AGK: variants seen among roughly 807,000 people sequenced by gnomAD.
AGK encodes acylglycerol kinase, also known as acylglycerol kinase, mitochondrial.
In AGK, 52 loss-of-function variants were observed where a neutral mutation model predicts 66.4. The observed-to-expected ratio is 0.78, with a 90% CI of 0.63 to 0.99. AGK has a LOEUF of 0.99. Among genes scored for constraint, AGK ranks in the 50% least tolerant of loss-of-function variants. The probability of loss-of-function intolerance (pLI) is 0.00; values close to 1 mark genes in which losing one functional copy is unlikely to be tolerated. For missense variants in AGK, 451 were observed against 506.6 expected (o/e 0.89, Z 1.05); for synonymous variants, 182 against 181.1 (o/e 1.00, Z -0.04).
rs1242161124 is a variant in AGK at position 141,601,222 on chromosome 7, T to G, written c.239T>G (p.Phe80Cys). The change falls in exon 5 of 16, where the codon TTT becomes TGT. Residue 80 changes from phenylalanine (F) to cysteine (C), a missense_variant. Phe to Cys is a radical substitution (Grantham distance 205, BLOSUM62 -2). Coordinates refer to ENST00000649286, the MANE Select transcript of AGK (RefSeq NM_018238.4). ...GTTAACAGAAAAGCCAGGACTCTAT[T>G]TGAAAAAAATGCTGCCCCGATTTTA... ...AACKGKARTL[F>C]EKNAAPILHL... is the part of the protein sequence containing the mutation. The G allele has an allele frequency of 6.2e-7, 1 of 1,612,772 alleles. No individual in the cohort carries two copies. Among genetic ancestry groups the G allele is most frequent in the Non-Finnish European group, 8.5e-7 (1 of 1,179,202 alleles).
chr7:141,631,739 T>G (rs1446403454), intron 9 of AGK, among the ~76,000 whole-genome samples: 1 of 152,102 alleles, frequency 6.6e-6, no homozygotes, highest in Non-Finnish European at 1.5e-5. Flanking sequence ...GGTCAGGAAT[T>G]AGAGCATGTC....
rs1797641015 is a variant in AGK at position 141,654,456 on chromosome 7, GTGCTCT to G, written c.*1533_*1538del. ...CTTTGGCATTTTGACAAAGATCACA[GTGCTCT>G]ATCATCAAGAATTATTAATGATGAT... On this transcript the variant is annotated 3_prime_UTR_variant, in exon 16 of 16. Coordinates refer to ENST00000649286, the MANE Select transcript of AGK (RefSeq NM_018238.4). 6.6e-6 allele frequency: 1 copy of G among 152,198 alleles called. No individual in the cohort carries two copies. Among genetic ancestry groups the G allele is most frequent in the South Asian group, 2.1e-4 (1 of 4,828 alleles). 9.4% of individuals were successfully genotyped at this position (152,198 alleles called of 1,614,324 possible).
At chr7:141,623,793 A>G (rs1749008409) in intron 9 of AGK, among the ~76,000 whole-genome samples, 1 of 152,184 alleles carries the variant, frequency 6.6e-6, no homozygotes, top group Admixed American at 6.5e-5. Flanking sequence ...AGAATGTGCC[A>G]TCTCAGACTT....
chr7:141,621,599 AGAGAGAGAGG>A (rs1796826501), intron 8 of AGK, 123 bp from the exon 9 acceptor site: 1 of 652,340 alleles, frequency 1.5e-6, no homozygotes, highest in Non-Finnish European at 2.7e-6. Context: ...GGAGGGGGAG[AGAGAGAGAGG>A]GAGAGAGAGA....
chr7:141,643,154 T>C (rs546116179), intron 13 of AGK, among the ~76,000 whole-genome samples: 2 of 152,328 alleles, frequency 1.3e-5, no homozygotes, highest in South Asian at 4.1e-4. Flanking sequence ...TTTCTAACTA[T>C]GAAAATAATA....
intron 9 of AGK, among the ~76,000 whole-genome samples, chr7:141,622,028 CATA>C (rs369719596): frequency 2.4e-4 from 37 of 151,626 alleles, no homozygotes; most frequent in African/African-American, 9.0e-4. Context: ...TGGCTAAAAG[CATA>C]ATATTTATCA....
At chr7:141,617,278 TAC>T (rs1387445293) in intron 8 of AGK, among the ~76,000 whole-genome samples, 1 of 152,192 alleles carries the variant, frequency 6.6e-6, no homozygotes, top group African/African-American at 2.4e-5. Flanking sequence ...AAAGCTAATT[TAC>T]ACAGAGTGTG....
At chr7:141,576,855 C>T (rs556263702) in intron 2 of AGK, among the ~76,000 whole-genome samples, 10 of 151,776 alleles carry the variant, frequency 6.6e-5, no homozygotes, top group Admixed American at 2.0e-4. Flanking sequence ...CTCGCTAACA[C>T]GGTGAAACCC....
At position 141,646,816 on chromosome 7, in the gene AGK, G is replaced by A. The variant is rs117132255; in HGVS notation, c.976-2447G>A. Among the ~76,000 whole-genome samples the A allele has an allele frequency of 1.8e-3, 268 of 152,332 alleles. 3 individuals are homozygous for A. In the East Asian group the frequency reaches 0.025, roughly 14 times the overall value. On this transcript the variant is annotated intron_variant, in intron 13 of 15. Transcript: ENST00000649286. ...GGTTGCTTTCAGCTACTATGGCTGAGTTGAATAGCTGTGAGAGAGACCTCA... is the reference window on the plus strand; with the variant it reads ...GGTTGCTTTCAGCTACTATGGCTGAATTGAATAGCTGTGAGAGAGACCTCA...
At chr7:141,623,307 A>G (rs536044297) in intron 9 of AGK, among the ~76,000 whole-genome samples, 2 of 150,256 alleles carry the variant, frequency 1.3e-5, no homozygotes, top group African/African-American at 4.9e-5. Flanking sequence ...TGAACCCGGG[A>G]GGCAGAGGTT....
At position 141,555,443 on chromosome 7, in the gene AGK, A is replaced by G. The variant is rs756792578; in HGVS notation, c.-14-10A>G. The G allele has an allele frequency of 1.0e-5, 16 of 1,586,922 alleles. No individual in the cohort carries two copies. The highest frequency in any genetic ancestry group is 1.3e-5 in the Non-Finnish European group (15 of 1,156,280). The stretch of plus-strand genomic sequence containing the variant: ...TATATTTTTTTCTCTTTCCGCCTCT[A>G]CTAACCTAGCAAATCTCTAGAAGAT... On this transcript the variant is annotated splice_polypyrimidine_tract_variant and intron_variant, in intron 1 of 15. Transcript: ENST00000649286. The surrounding 1 kb of genome is among the most constrained non-coding windows in gnomAD (Gnocchi z 4.2).
At chr7:141,589,098 T>C (rs1358603079) in intron 2 of AGK, among the ~76,000 whole-genome samples, 3 of 152,162 alleles carry the variant, frequency 2.0e-5, no homozygotes, top group Non-Finnish European at 4.4e-5. Flanking sequence ...TCTCAGCCTC[T>C]TTTTACCCAG....
chr7:141,552,696 T>C (rs1795120129), intron 1 of AGK, among the ~76,000 whole-genome samples: 1 of 152,206 alleles, frequency 6.6e-6, no homozygotes. Context: ...CTTCCCACTT[T>C]TCTCCCCTGA....
At position 141,621,931 on chromosome 7, in the gene AGK, A is replaced by G. The variant is rs371734342; in HGVS notation, c.588+130A>G. On this transcript the variant is annotated intron_variant, in intron 9 of 15. Transcript: ENST00000649286. ...TAGTTGCTCTTCCATTCCTACCCCA[A>G]GTATTAGTCCCCAGAGGAAATAATT... The G allele has an allele frequency of 6.8e-4, 432 of 636,902 alleles. 3 individuals carry two copies. In the South Asian group the frequency reaches 7.8e-3, roughly 11 times the overall value. 39.5% of individuals were successfully genotyped at this position (636,902 alleles called of 1,614,324 possible).
intron 5 of AGK, among the ~76,000 whole-genome samples, chr7:141,605,337 A>T (rs1796435506): frequency 6.6e-6 from 1 of 152,126 alleles, no homozygotes; most frequent in Non-Finnish European, 1.5e-5. Context: ...CTGCACATGC[A>T]GTCTTTTGGG....
intron 10 of AGK, among the ~76,000 whole-genome samples, 173 bp downstream of exon 10, chr7:141,634,153 A>G (rs577664073): frequency 6.6e-6 from 1 of 152,316 alleles, no homozygotes; most frequent in African/African-American, 2.4e-5. Flanking sequence ...TATGTCCTAT[A>G]TGCAGAAAGG....
chr7:141,561,614 AT>A (rs377694260), intron 2 of AGK, among the ~76,000 whole-genome samples: 46 of 147,738 alleles, frequency 3.1e-4, no homozygotes, highest in African/African-American at 7.7e-4. Flanking sequence ...TGATGGAATT[AT>A]TTTTTTTTTC....
At chr7:141,629,637 C>T (rs547236663) in intron 9 of AGK, among the ~76,000 whole-genome samples, 2 of 152,260 alleles carry the variant, frequency 1.3e-5, no homozygotes, top group Admixed American at 1.3e-4. Flanking sequence ...TCTAGATCTG[C>T]TCACACATAT....
At chr7:141,622,919 A>T (rs1006187688) in intron 9 of AGK, among the ~76,000 whole-genome samples, 2 of 132,240 alleles carry the variant, frequency 1.5e-5, no homozygotes, top group Non-Finnish European at 3.2e-5. Context: ...CTGGGCATTT[A>T]AAAAAAAAAA....
Sources: allele counts gnomAD v4.1 joint callset (sites outside exome capture counted in the v4.1 genomes callset), GRCh38; gene constraint gnomAD v4.1.1; non-coding constraint Gnocchi (gnomAD v3.1); transcripts MANE v1.5; gene names NCBI Gene and HGNC (gene_info 2026-07-23, HGNC 2026-07-21).